CCDC172: variants seen among roughly 807,000 people sequenced by gnomAD.
CCDC172 encodes coiled-coil domain containing 172.
In CCDC172, 30 loss-of-function variants were observed where a neutral mutation model predicts 38.0. The observed-to-expected ratio is 0.79, with a 90% CI of 0.59 to 1.07. CCDC172 has a LOEUF of 1.07. Among genes scored for constraint, CCDC172 ranks in the 50% least tolerant of loss-of-function variants. CCDC172 has a pLI of 0.00. For synonymous variants in CCDC172, 78 were observed against 88.3 expected (o/e 0.88, Z 0.66); for missense variants, 297 against 290.1 (o/e 1.02, Z -0.17).
At chr10:116,376,429 T>A (rs925188580) in intron 7 of CCDC172, among the ~76,000 whole-genome samples, 5 of 152,226 alleles carry the variant, frequency 3.3e-5, no homozygotes, top group African/African-American at 9.6e-5. Context: ...TCTAGCCTTC[T>A]ACCTCTTCAG....
intron 3 of CCDC172, among the ~76,000 whole-genome samples, chr10:116,335,684 G>C (rs1844721504): frequency 6.6e-6 from 1 of 151,924 alleles, no homozygotes; most frequent in Non-Finnish European, 1.5e-5. Context: ...TTTCATACAG[G>C]TCTCAGATAT....
At chr10:116,346,240 C>G (rs899988371) in intron 5 of CCDC172, among the ~76,000 whole-genome samples, 2 of 139,474 alleles carry the variant, frequency 1.4e-5, no homozygotes, top group East Asian at 4.3e-4. Flanking sequence ...TGCAGTGAGC[C>G]AAGATCGCGC....
chr10:116,325,163 C>G (rs2134895363), intron 2 of CCDC172, 73 bp downstream of exon 2: 1 of 1,545,858 alleles, frequency 6.5e-7, no homozygotes, highest in Admixed American at 1.7e-5. Flanking sequence ...GAAGGAAATC[C>G]CGAAGGCAGT....
intron 7 of CCDC172, among the ~76,000 whole-genome samples, chr10:116,362,051 G>T (rs150549779): frequency 1.3e-4 from 20 of 152,092 alleles, no homozygotes; most frequent in African/African-American, 4.6e-4. Context: ...CTAGCCGGGC[G>T]TGGTGGCAGG....
chr10:116,349,036 T>G (rs535026532), intron 5 of CCDC172, among the ~76,000 whole-genome samples: 14 of 152,196 alleles, frequency 9.2e-5, no homozygotes, highest in African/African-American at 2.9e-4. Context: ...TCCTATCAGA[T>G]CAGCAGCAGT....
intron 7 of CCDC172, among the ~76,000 whole-genome samples, chr10:116,364,627 G>T (rs985314218): frequency 6.6e-6 from 1 of 151,966 alleles, no homozygotes; most frequent in Non-Finnish European, 1.5e-5. Context: ...GTATTAATTG[G>T]TATGCAATTA....
intron 5 of CCDC172, among the ~76,000 whole-genome samples, chr10:116,351,169 T>C (rs535125129): frequency 2.4e-4 from 36 of 152,280 alleles, no homozygotes; most frequent in African/African-American, 7.9e-4. Context: ...TTTCTTGTGA[T>C]AGAATGTCTG....
intron 7 of CCDC172, among the ~76,000 whole-genome samples, chr10:116,365,641 G>A (rs1006138100): frequency 1.3e-5 from 2 of 151,992 alleles, no homozygotes; most frequent in Non-Finnish European, 2.9e-5. Flanking sequence ...TCCTTATTAA[G>A]CATTCCTTTA....
intron 7 of CCDC172, among the ~76,000 whole-genome samples, chr10:116,365,791 A>G (rs767658978): frequency 1.4e-4 from 22 of 152,132 alleles, no homozygotes; most frequent in African/African-American, 2.7e-4. Context: ...ATAAGACTGC[A>G]CTTTTTATTC....
chr10:116,334,883 G>A (rs1488843659), intron 3 of CCDC172, among the ~76,000 whole-genome samples: 1 of 151,844 alleles, frequency 6.6e-6, no homozygotes, highest in Non-Finnish European at 1.5e-5. Flanking sequence ...TATAAAAATG[G>A]CATCTTTTTA....
At chr10:116,347,794 A>G (rs1004114512) in intron 5 of CCDC172, among the ~76,000 whole-genome samples, 6 of 152,196 alleles carry the variant, frequency 3.9e-5, no homozygotes, top group Non-Finnish European at 7.3e-5. Flanking sequence ...AAGCTGATAC[A>G]ACTTGATTTC....
intron 8 of CCDC172, 58 bp downstream of exon 8, chr10:116,378,568 A>T: frequency 7.2e-7 from 1 of 1,395,270 alleles, no homozygotes; most frequent in Non-Finnish European, 1.0e-6. Context: ...ACTGGTAAGG[A>T]ACGGTTTTAC....
chr10:116,359,507 G>T (rs1259212806), intron 7 of CCDC172, among the ~76,000 whole-genome samples: 1 of 152,042 alleles, frequency 6.6e-6, no homozygotes, highest in African/African-American at 2.4e-5. Context: ...GTTGTCGGGG[G>T]CTGTTCAATG....
intron 7 of CCDC172, among the ~76,000 whole-genome samples, chr10:116,377,469 T>C (rs904013635): frequency 7.2e-5 from 11 of 152,276 alleles, no homozygotes; most frequent in Middle Eastern, 3.4e-3. Context: ...TAAACCTGAA[T>C]GTAACCGCTT....
intron 3 of CCDC172, among the ~76,000 whole-genome samples, chr10:116,338,945 T>G (rs1475857378): frequency 6.6e-6 from 1 of 152,062 alleles, no homozygotes; most frequent in African/African-American, 2.4e-5. Context: ...TTGAAATACC[T>G]TAGTAGATTA....
chr10:116,355,421 TGTG>T (rs1844984333), intron 5 of CCDC172, among the ~76,000 whole-genome samples: 2 of 152,150 alleles, frequency 1.3e-5, no homozygotes, highest in African/African-American at 4.8e-5. Context: ...TCTTAGTGAG[TGTG>T]AGTACACTTG....
At chr10:116,339,714 T>G (rs1464218623) in intron 3 of CCDC172, among the ~76,000 whole-genome samples, 3 of 151,956 alleles carry the variant, frequency 2.0e-5, no homozygotes, top group African/African-American at 7.2e-5. Context: ...TTTGAGCAAC[T>G]TTTTTAATGT....
chr10:116,355,608 T>C (rs1189001786), intron 5 of CCDC172, among the ~76,000 whole-genome samples: 2 of 152,138 alleles, frequency 1.3e-5, no homozygotes, highest in Non-Finnish European at 2.9e-5. Flanking sequence ...AATATGGGCA[T>C]ATATATACAG....
At chr10:116,346,060 C>T (rs540941808) in intron 5 of CCDC172, among the ~76,000 whole-genome samples, 20 of 151,942 alleles carry the variant, frequency 1.3e-4, no homozygotes, top group African/African-American at 4.3e-4. Context: ...TTTCGGAGGC[C>T]GAGGTGGGCG....
Sources: gnomAD v4.1 joint callset for allele counts (sites outside exome capture counted in the v4.1 genomes callset) on GRCh38, gnomAD v4.1.1 for gene constraint, MANE v1.5 for transcripts, NCBI Gene and HGNC (gene_info 2026-07-23, HGNC 2026-07-21) for gene names.